RNPEPL1: variants seen among roughly 807,000 people sequenced by gnomAD.
The protein encoded by RNPEPL1 is arginyl aminopeptidase like 1.
A neutral mutation model predicts 69.0 loss-of-function variants in RNPEPL1; 46 were observed. The ratio of observed to expected loss-of-function variants is 0.67; its 90% CI spans 0.53 to 0.85. RNPEPL1 has a LOEUF of 0.85. Ranked by LOEUF, RNPEPL1 falls within the 40% of genes least tolerant of loss-of-function variation. RNPEPL1 has a pLI of 0.00. For missense variants in RNPEPL1, 869 were observed against 992.5 expected (o/e 0.88, Z 1.67); for synonymous variants, 525 against 454.1 (o/e 1.16, Z -1.98).
At chr2:240,573,304 G>A (rs745709297) in intron 3 of RNPEPL1, 43 bp downstream of exon 3, 22 of 1,526,058 alleles carry the variant, frequency 1.4e-5, no homozygotes, top group African/African-American at 2.8e-5. Context: ...CGCAGGCCTC[G>A]GGGAGAGCCC....
chr2:240,570,187 C>A (rs2093017131), intron 1 of RNPEPL1, among the ~76,000 whole-genome samples: 2 of 152,234 alleles, frequency 1.3e-5, no homozygotes, highest in Admixed American at 6.5e-5. Flanking sequence ...TGTTTGGAGC[C>A]CACGTGTCTG....
At position 240,572,515 on chromosome 2, in the gene RNPEPL1, G is replaced by A. The variant is rs777013826; in HGVS notation, c.621G>A (p.Pro207=). The stretch of plus-strand genomic sequence containing the variant: ...CCGTGTGCAACCGCTCCTTCTTCCC[G>A]TGCTTCGACACACCTGCCGTGAAGT... ...GHSVCNRSFF[P]CFDTPAVKCT... Residue 207 remains proline, a synonymous_variant, in exon 2 of 11, where the codon CCG becomes CCA. Coordinates refer to ENST00000270357, the MANE Select transcript of RNPEPL1 (RefSeq NM_018226.6). 71 of 1,536,130 alleles carry A rather than the reference G, an allele frequency of 4.6e-5. No individual in the cohort carries two copies. In the African/African-American group the frequency reaches 7.8e-4, roughly 17 times the overall value.
chr2:240,574,896 A>G (rs987013761), intron 6 of RNPEPL1, 134 bp from the exon 7 acceptor site: 10 of 752,414 alleles, frequency 1.3e-5, no homozygotes, highest in Admixed American at 3.8e-5. Flanking sequence ...CCAGGGCATC[A>G]GTACACATCT....
chr2:240,571,796 T>C (rs1259878130), intron 1 of RNPEPL1, among the ~76,000 whole-genome samples: 1 of 151,496 alleles, frequency 6.6e-6, no homozygotes, highest in African/African-American at 2.4e-5. Flanking sequence ...CAGCCATCCT[T>C]CCCTTGGCCG....
At chr2:240,575,246 G>A in intron 7 of RNPEPL1, 104 bp downstream of exon 7, 1 of 965,022 alleles carries the variant, frequency 1.0e-6, no homozygotes, top group Non-Finnish European at 1.6e-6. Context: ...GGAACTGGCA[G>A]GGGCCTGTGA....
In RNPEPL1 at chr2:240,568,916, GCCGGGGCCCGCGCCGCCGCCC is replaced by G; in HGVS notation, c.334_354del (p.Gly112_Pro118del). ...GCGCCTTCGCCTTCTCCGCCCCCGG[GCCGGGGCCCGCGCCGCCGCCC>G]CCGCTGCCCGCCTTCCCCGAGGCGC... On this transcript the variant is annotated inframe_deletion, in exon 1 of 11. Transcript: ENST00000270357. This position sits in a 1 kb window ranked among gnomAD's most constrained non-coding sequence, Gnocchi z 6.2. 7.7e-7 allele frequency: 1 copy of G among 1,294,124 alleles called. No individual in the cohort carries two copies. Among genetic ancestry groups the G allele is most frequent in the Non-Finnish European group, 9.7e-7 (1 of 1,027,098 alleles). The allele number at this position is 1,294,124 out of a possible 1,614,324, so 80.2% of individuals were successfully genotyped here.
intron 5 of RNPEPL1, 74 bp from the exon 6 acceptor site, chr2:240,574,441 G>A: frequency 1.3e-6 from 2 of 1,542,842 alleles, no homozygotes; most frequent in Non-Finnish European, 1.8e-6. Flanking sequence ...CATGCTGCAG[G>A]TGCCCACACC....
intron 8 of RNPEPL1, 119 bp from the exon 9 acceptor site, chr2:240,576,416 G>A (rs1197412607): frequency 1.0e-4 from 96 of 924,936 alleles, no homozygotes; most frequent in South Asian, 1.4e-4. Flanking sequence ...AACAGCCCAC[G>A]TCCCTGGAAC....
rs1414789458 is a variant in RNPEPL1 at position 240,573,806 on chromosome 2, C to T, written c.853C>T (p.Pro285Ser). 4 of 1,548,954 alleles carry T rather than the reference C, an allele frequency of 2.6e-6. No individual in the cohort carries two copies. The Admixed American group carries it at 7.8e-5, about 30-fold the overall frequency. Residue 285 changes from proline to serine, a missense_variant, in exon 4 of 11, where the codon CCC becomes TCC. Coordinates refer to ENST00000270357, the MANE Select transcript of RNPEPL1 (RefSeq NM_018226.6). ...CGTGTGGGCCGAGCCATGCCTCCTG[C>T]CCACGGCCACCAGCAAGCTGTCGGG... ...SRVWAEPCLLPTATSKLSGAV... is the reference protein window; with the variant it reads ...SRVWAEPCLLSTATSKLSGAV...
chr2:240,572,387 G>A, intron 1 of RNPEPL1, 36 bp from the exon 2 acceptor site: 1 of 1,533,522 alleles, frequency 6.5e-7, no homozygotes, highest in Non-Finnish European at 8.7e-7. Flanking sequence ...CACCCTAGCT[G>A]GGTGGCCGTC....
rs1282618828 is a variant in RNPEPL1 at position 240,572,422 on chromosome 2, G to A, written c.529-1G>A. On this transcript the variant is annotated splice_acceptor_variant, in intron 1 of 10. Transcript: ENST00000270357. LOFTEE classifies it high-confidence loss of function. ...CTGCTGATGGGCCATCCTGCCCACAGATCTGGTGGCTGGACCCAGAGCTGA... is the reference window on the plus strand; with the variant it reads ...CTGCTGATGGGCCATCCTGCCCACAAATCTGGTGGCTGGACCCAGAGCTGA... 1 of 1,536,112 alleles carries A rather than the reference G, an allele frequency of 6.5e-7. No homozygotes were observed. The highest frequency in any genetic ancestry group is 2.0e-5 in the Admixed American group (1 of 51,004).
chr2:240,578,579 G>A lies in RNPEPL1; in HGVS notation c.*687G>A, dbSNP rs149607841. The A allele has an allele frequency of 6.6e-6, 1 of 152,626 alleles. No individual in the cohort carries two copies. Among genetic ancestry groups the A allele is most frequent in the African/African-American group, 2.4e-5 (1 of 41,568 alleles). 9.5% of individuals were successfully genotyped at this position (152,626 alleles called of 1,614,324 possible). On this transcript the variant is annotated 3_prime_UTR_variant, in exon 11 of 11. Transcript: ENST00000270357. ...CTGGGGTGGGAGGCACAGGGGCAAA[G>A]CAATACCCCAGGGAAAGTGGGAGGT...
At chr2:240,575,261 G>A in intron 7 of RNPEPL1, 119 bp downstream of exon 7, 2 of 851,144 alleles carry the variant, frequency 2.3e-6, no homozygotes, top group South Asian at 2.9e-5. Flanking sequence ...CTGTGAGCCT[G>A]GCTGGGACCT....
At position 240,571,516 on chromosome 2, in the gene RNPEPL1, C is replaced by T. The variant is rs367615761; in HGVS notation, c.529-907C>T. On this transcript the variant is annotated intron_variant, in intron 1 of 10. Transcript: ENST00000270357. ...TGTGGTTGGAAGAGGGTCCCCCTCC[C>T]AGACTCTGAGCTGCCCTCACTGGAG... 2.0e-5 allele frequency among the ~76,000 whole-genome samples: 3 copies of T among 152,044 alleles called. No homozygotes were observed. In the South Asian group the frequency reaches 6.2e-4, roughly 32 times the overall value.
intron 3 of RNPEPL1, 48 bp from the exon 4 acceptor site, chr2:240,573,727 C>T (rs922492892): frequency 4.9e-5 from 70 of 1,436,784 alleles, no homozygotes; most frequent in Non-Finnish European, 5.9e-5. Flanking sequence ...GTGGGGTGAG[C>T]GGGGCTGGGG....
chr2:240,577,178 A>T (rs537601307), intron 10 of RNPEPL1, among the ~76,000 whole-genome samples, 188 bp downstream of exon 10: 1 of 152,218 alleles, frequency 6.6e-6, no homozygotes, highest in South Asian at 2.1e-4. Context: ...GGCAGCCTGG[A>T]CTCCACCAGT....
At position 240,579,050 on chromosome 2, in the gene RNPEPL1, G is replaced by A. The variant is rs1219047146; in HGVS notation, c.*1158G>A. On this transcript the variant is annotated 3_prime_UTR_variant, in exon 11 of 11. Coordinates refer to ENST00000270357, the MANE Select transcript of RNPEPL1 (RefSeq NM_018226.6). ...GGGTACAAGGTGACAGGCATGTTTT[G>A]TTTTGGAGAACTGAGATTTCCATTT... 2 of 152,304 alleles carry A rather than the reference G, an allele frequency of 1.3e-5. No individual in the cohort carries two copies. The highest frequency in any genetic ancestry group is 2.9e-5 in the Non-Finnish European group (2 of 68,074). 9.4% of individuals were successfully genotyped at this position (152,304 alleles called of 1,614,324 possible).
rs2093042974 is a variant in RNPEPL1, at chr2:240,578,064, T to G, written c.*172T>G. On this transcript the variant is annotated 3_prime_UTR_variant, in exon 11 of 11. Transcript: ENST00000270357. ...ATGGGGAGAGGGACCTCCTTGTGTC[T>G]GGCAGAGACCTGTGGACCTGGCCTC... is the stretch of plus-strand genomic sequence containing the variant. 2 of 598,662 alleles carry G rather than the reference T, an allele frequency of 3.3e-6. No individual in the cohort carries two copies. The highest frequency in any genetic ancestry group is 4.8e-4 in the Middle Eastern group (1 of 2,096). The allele number at this position is 598,662 out of a possible 1,614,324, so 37.1% of individuals were successfully genotyped here.
chr2:240,576,494 C>T, intron 8 of RNPEPL1, 41 bp from the exon 9 acceptor site: 1 of 1,556,852 alleles, frequency 6.4e-7, no homozygotes, highest in Non-Finnish European at 8.7e-7. Context: ...CAGCCCCTTC[C>T]TAGCCTGGGC....
Sources: allele counts gnomAD v4.1 joint callset (sites outside exome capture counted in the v4.1 genomes callset), GRCh38; gene constraint gnomAD v4.1.1; non-coding constraint Gnocchi (gnomAD v3.1); transcripts MANE v1.5; gene names NCBI Gene and HGNC (gene_info 2026-07-23, HGNC 2026-07-21).